The following ZNF341 variants were observed in gnomAD, a reference collection of about 807,000 sequenced individuals.
The protein encoded by ZNF341 is zinc finger protein 341.
A neutral mutation model predicts 87.7 loss-of-function variants in ZNF341; 52 were observed. That is an observed-to-expected ratio of 0.59 (90% CI 0.47 to 0.75). The LOEUF (loss-of-function observed/expected upper bound fraction) is 0.75, where lower values mean the gene tolerates loss of function less well. Ranked by LOEUF, ZNF341 falls within the 30% of genes least tolerant of loss-of-function variation. The pLI is 0.00. For missense variants in ZNF341, 977 were observed against 1,145.9 expected (o/e 0.85, Z 2.13); for synonymous variants, 459 against 472.7 (o/e 0.97, Z 0.38).
At chr20:33,737,352 C>T (rs1427983359) in intron 1 of ZNF341, among the ~76,000 whole-genome samples, 11 of 151,980 alleles carry the variant, frequency 7.2e-5, no homozygotes, top group African/African-American at 1.9e-4. Flanking sequence ...GACGTAGTCT[C>T]GCTCTGTTGC....
intron 12 of ZNF341, among the ~76,000 whole-genome samples, chr20:33,786,251 G>A (rs550558318): frequency 1.3e-5 from 2 of 151,832 alleles, no homozygotes; most frequent in Non-Finnish European, 2.9e-5. Context: ...TGATCCCCCC[G>A]CCCCAGCCTC....
At position 33,732,072 on chromosome 20, in the gene ZNF341, G is replaced by C; in HGVS notation, c.31+20G>C. On this transcript the variant is annotated intron_variant, in intron 1 of 14. Coordinates refer to ENST00000375200, the MANE Select transcript of ZNF341 (RefSeq NM_001282933.2). This position sits in a 1 kb window ranked among gnomAD's most constrained non-coding sequence, Gnocchi z 4.5. The stretch of plus-strand genomic sequence containing the variant: ...TGGAGGGTGAGCGGCGGCGGGGCCG[G>C]CGGAGGCGGCTGTTCCGCGCTGCGC... The C allele has an allele frequency of 7.9e-7, 1 of 1,264,596 alleles. No homozygotes were observed. The highest frequency in any genetic ancestry group is 1.0e-6 in the Non-Finnish European group (1 of 1,000,224). The allele number at this position is 1,264,596 out of a possible 1,614,324, so 78.3% of individuals were successfully genotyped here. A position where few individuals can be genotyped will look rare whatever the true frequency, so the allele number is the denominator to read the frequency against.
chr20:33,754,366 T>C (rs2019128831), intron 5 of ZNF341, among the ~76,000 whole-genome samples: 1 of 152,102 alleles, frequency 6.6e-6, no homozygotes, highest in South Asian at 2.1e-4. Context: ...GAGGGTATGG[T>C]TATGACAGAA....
At chr20:33,763,497 C>T (rs1316563379) in intron 8 of ZNF341, among the ~76,000 whole-genome samples, 1 of 152,108 alleles carries the variant, frequency 6.6e-6, no homozygotes, top group African/African-American at 2.4e-5. Context: ...CAAGGCTTCA[C>T]CATGTTGGCC....
intron 10 of ZNF341, among the ~76,000 whole-genome samples, chr20:33,777,746 A>G (rs990900771): frequency 6.6e-6 from 1 of 152,130 alleles, no homozygotes; most frequent in Non-Finnish European, 1.5e-5. Flanking sequence ...AACATGCTTT[A>G]GAGAAAAAGA....
chr20:33,774,275 G>A (rs542970636), intron 10 of ZNF341, among the ~76,000 whole-genome samples: 19 of 152,244 alleles, frequency 1.2e-4, no homozygotes, highest in Admixed American at 1.0e-3. Context: ...CAGCCTGGGT[G>A]ACAGAGAGAG....
chr20:33,791,843 A>T lies in ZNF341; in HGVS notation c.*326A>T. Reference sequence around the variant, plus strand: ...TGGTGGTCGGGGCCCCTGGGAGAGGAGACAGGGCATTCCTCCCCACTCTGT... The same window carrying T: ...TGGTGGTCGGGGCCCCTGGGAGAGGTGACAGGGCATTCCTCCCCACTCTGT... On this transcript the variant is annotated 3_prime_UTR_variant, in exon 15 of 15. Coordinates refer to ENST00000375200, the MANE Select transcript of ZNF341 (RefSeq NM_001282933.2). The T allele has an allele frequency of 3.2e-6, 1 of 310,462 alleles. No individual in the cohort carries two copies. The highest frequency in any genetic ancestry group is 5.9e-6 in the Non-Finnish European group (1 of 168,342). 19.2% of individuals were successfully genotyped at this position (310,462 alleles called of 1,614,324 possible).
chr20:33,774,651 A>G (rs765583858), intron 10 of ZNF341, among the ~76,000 whole-genome samples: 14 of 152,250 alleles, frequency 9.2e-5, no homozygotes, highest in Non-Finnish European at 1.3e-4. Flanking sequence ...ATGTGGTTTT[A>G]TCACTTAAAA....
intron 10 of ZNF341, among the ~76,000 whole-genome samples, chr20:33,775,734 C>T (rs2019614644): frequency 6.6e-6 from 1 of 152,056 alleles, no homozygotes; most frequent in Non-Finnish European, 1.5e-5. Context: ...GGATCTTGCT[C>T]AGTCACCCAG....
intron 4 of ZNF341, among the ~76,000 whole-genome samples, chr20:33,752,700 T>C (rs1434564244): frequency 1.3e-5 from 2 of 148,810 alleles, no homozygotes; most frequent in Admixed American, 1.4e-4. Context: ...TCACCCAGGC[T>C]AAAGTGTGGT....
chr20:33,782,935 C>T (rs1027312917), intron 11 of ZNF341, among the ~76,000 whole-genome samples: 1 of 152,020 alleles, frequency 6.6e-6, no homozygotes, highest in African/African-American at 2.4e-5. Context: ...GCGGGTGGAT[C>T]ACCTGAGGTC....
intron 5 of ZNF341, among the ~76,000 whole-genome samples, chr20:33,755,775 G>A (rs1601251851): frequency 6.6e-6 from 1 of 151,514 alleles, no homozygotes; most frequent in Admixed American, 6.6e-5. Context: ...TTAATGTTTT[G>A]TGGAGATGAG....
Position 33,791,765 on chromosome 20 carries a change from G to T in ZNF341, c.*248G>T, listed in dbSNP as rs746205994. 2.2e-6 allele frequency: 1 copy of T among 463,098 alleles called. No individual in the cohort carries two copies. The allele number at this position is 463,098 out of a possible 1,614,324, so 28.7% of individuals were successfully genotyped here. On this transcript the variant is annotated 3_prime_UTR_variant, in exon 15 of 15. Transcript: ENST00000375200. ...ACGGTTTCTGGGCAGAGCCATGGTG[G>T]CAGGAGAGAGATGGCTGAAGCCTGA...
Position 33,766,868 on chromosome 20 carries a change from C to T in ZNF341, c.1240C>T (p.Pro414Ser). Residue 414 changes from proline (P) to serine (S), a missense_variant, in exon 9 of 15, where the codon CCG becomes TCG. Physicochemically the swap from Pro to Ser is moderately conservative, Grantham distance 74. Around this residue, in one of 3 missense-constraint regions of ZNF341, gnomAD observed 515 missense variants for 598.2 expected, o/e 0.86. Transcript: ENST00000375200. ...EESTGLGQPL[P>S]GAPQPQALST... ...CTCCACAGGGTTGGGCCAGCCCCTG[C>T]CGGGTGCGCCACAGCCCCAGGCCTT... The T allele has an allele frequency of 6.2e-7, 1 of 1,611,350 alleles. No homozygotes were observed. The highest frequency in any genetic ancestry group is 8.5e-7 in the Non-Finnish European group (1 of 1,178,560).
intron 4 of ZNF341, chr20:33,752,647 C>CTTT: frequency 4.7e-6 from 1 of 213,364 alleles, no homozygotes; most frequent in South Asian, 6.3e-5. Flanking sequence ...TGCCTATTTT[C>CTTT]TTTTCTTTTT....
At chr20:33,778,049 A>G (rs1023717024) in intron 10 of ZNF341, among the ~76,000 whole-genome samples, 1 of 152,164 alleles carries the variant, frequency 6.6e-6, no homozygotes, top group African/African-American at 2.4e-5. Context: ...GATTTGCTCT[A>G]TTACTGGTGA....
intron 10 of ZNF341, among the ~76,000 whole-genome samples, chr20:33,777,007 T>C (rs984768096): frequency 1.3e-5 from 2 of 151,812 alleles, no homozygotes; most frequent in Non-Finnish European, 2.9e-5. Flanking sequence ...GGCAATATAC[T>C]ATAGTTACCA....
rs1043060805 is a variant in ZNF341 at position 33,742,040 on chromosome 20, G to A, written c.142+1028G>A. On this transcript the variant is annotated intron_variant, in intron 2 of 14. Transcript: ENST00000375200. Reference sequence around the variant, plus strand: ...ACGCGAAGTCCTGATGGGCATTTGGGCATTTGGGGTGGGCATGGTGAGACT... The same window carrying A: ...ACGCGAAGTCCTGATGGGCATTTGGACATTTGGGGTGGGCATGGTGAGACT... Among the ~76,000 whole-genome samples, 5 of 152,150 alleles carry A rather than the reference G, an allele frequency of 3.3e-5. No individual in the cohort carries two copies. In the East Asian group the frequency reaches 9.6e-4, roughly 29 times the overall value.
intron 6 of ZNF341, 96 bp downstream of exon 6, chr20:33,757,439 G>C (rs2019202476): frequency 1.4e-5 from 16 of 1,123,194 alleles, no homozygotes; most frequent in Admixed American, 3.7e-5. Context: ...GTTCAAGTTT[G>C]GTTGCATGTA....
Sources: allele counts gnomAD v4.1 joint callset (sites outside exome capture counted in the v4.1 genomes callset), GRCh38; gene constraint gnomAD v4.1.1; regional missense constraint gnomAD v4.1.1; non-coding constraint Gnocchi (gnomAD v3.1); transcripts MANE v1.5; gene names NCBI Gene and HGNC (gene_info 2026-07-23, HGNC 2026-07-21).